The following FYB1 variants were observed in gnomAD, a reference collection of about 807,000 sequenced individuals.
The protein encoded by FYB1 is FYN-binding protein 1.
FYB1 carries 41 observed loss-of-function variants against 94.1 expected under a neutral mutation model. The observed-to-expected ratio is 0.44, with a 90% CI of 0.34 to 0.57. The LOEUF (loss-of-function observed/expected upper bound fraction) is 0.57, where lower values mean the gene tolerates loss of function less well. Ranked by LOEUF, FYB1 falls within the 20% of genes least tolerant of loss-of-function variation. The pLI is 0.02. For missense variants in FYB1, 1,050 were observed against 976.8 expected, an observed-to-expected ratio of 1.07 and a Z score of -1.00; for synonymous variants, 367 against 353.2, an observed-to-expected ratio of 1.04 and a Z score of -0.44.
intron 2 of FYB1, among the ~76,000 whole-genome samples, chr5:39,198,137 C>T (rs1200682440): frequency 9.2e-5 from 14 of 152,084 alleles, no homozygotes; most frequent in Admixed American, 8.5e-4. Flanking sequence ...GCACTTACAA[C>T]GAATCTCATG....
chr5:39,260,047 AAGAG>A (rs1411181425), intron 1 of FYB1, among the ~76,000 whole-genome samples: 1 of 152,254 alleles, frequency 6.6e-6, no homozygotes, highest in African/African-American at 2.4e-5. Context: ...AGATTCATCA[AAGAG>A]AGACACAGAG....
chr5:39,134,855 A>T lies in FYB1; in HGVS notation c.1675T>A (p.Tyr559Asn). 1 of 1,613,862 alleles carries T rather than the reference A, an allele frequency of 6.2e-7. No homozygotes were observed. The change falls in exon 8 of 19, where the codon TAT becomes AAT. Residue 559 changes from tyrosine to asparagine, a missense_variant and splice_region_variant. Physicochemically the swap from Tyr to Asn is moderately radical, Grantham distance 143. Transcript: ENST00000512982. ...AAGCCATAGAGAAATTTGCACTCAC[A>T]TGAACCCCTTGCTGTTCTGCCCAAC... Reference protein sequence around the residue: ...KWLGRTARGSYGYIKTTAVEI... With the variant: ...KWLGRTARGSNGYIKTTAVEI...
intron 1 of FYB1, among the ~76,000 whole-genome samples, chr5:39,240,360 A>T (rs1281409834): frequency 6.6e-6 from 1 of 152,242 alleles, no homozygotes; most frequent in Non-Finnish European, 1.5e-5. Context: ...GTGCAGGAAA[A>T]GAAAATCTCA....
At chr5:39,249,674 ATGTGTATGT>A (rs1751633596) in intron 1 of FYB1, among the ~76,000 whole-genome samples, 1 of 152,162 alleles carries the variant, frequency 6.6e-6, no homozygotes, top group Non-Finnish European at 1.5e-5. Context: ...AGAGAAAATG[ATGTGTATGT>A]GTTTGTAAGT....
intron 2 of FYB1, among the ~76,000 whole-genome samples, chr5:39,195,019 G>A (rs1747705308): frequency 6.6e-6 from 1 of 152,144 alleles, no homozygotes; most frequent in South Asian, 2.1e-4. Context: ...GGGCCTGGCT[G>A]TTACCCGAAG....
At chr5:39,206,937 T>G (rs943858519) in intron 1 of FYB1, among the ~76,000 whole-genome samples, 13 of 152,204 alleles carry the variant, frequency 8.5e-5, no homozygotes, top group Non-Finnish European at 1.9e-4. Flanking sequence ...GGATATATGA[T>G]CAGCAACCCT....
At chr5:39,191,200 A>G (rs1238893635) in intron 2 of FYB1, among the ~76,000 whole-genome samples, 1 of 152,220 alleles carries the variant, frequency 6.6e-6, no homozygotes, top group African/African-American at 2.4e-5. Flanking sequence ...ATCGCCACAC[A>G]GGTTGCTTTT....
chr5:39,191,987 A>G (rs576318229), intron 2 of FYB1, among the ~76,000 whole-genome samples: 1 of 152,364 alleles, frequency 6.6e-6, no homozygotes, highest in East Asian at 1.9e-4. Flanking sequence ...AATCCATCAT[A>G]TCAGAAATAG....
intron 1 of FYB1, among the ~76,000 whole-genome samples, chr5:39,264,420 C>T (rs1752345459): frequency 6.6e-6 from 1 of 152,146 alleles, no homozygotes. Context: ...CTGTTGTTTA[C>T]GAGCTACCCA....
chr5:39,162,813 T>C (rs1019751355), intron 2 of FYB1, among the ~76,000 whole-genome samples: 2 of 152,092 alleles, frequency 1.3e-5, no homozygotes, highest in African/African-American at 4.8e-5. Context: ...ATAATCCTGA[T>C]AGGTAAAACA....
chr5:39,203,354 G>C (rs965952301), intron 1 of FYB1, among the ~76,000 whole-genome samples: 6 of 152,070 alleles, frequency 3.9e-5, no homozygotes, highest in African/African-American at 1.4e-4. Flanking sequence ...ACTAAAAAAA[G>C]ATTTCTTCCA....
chr5:39,231,194 G>T (rs1750731599), intron 1 of FYB1, among the ~76,000 whole-genome samples: 1 of 146,548 alleles, frequency 6.8e-6, no homozygotes, highest in Non-Finnish European at 1.5e-5. Context: ...AACAGCTGTA[G>T]CCACCAGCTT....
At chr5:39,214,190 A>G (rs1749662703) in intron 1 of FYB1, among the ~76,000 whole-genome samples, 1 of 152,228 alleles carries the variant, frequency 6.6e-6, no homozygotes, top group Admixed American at 6.5e-5. Flanking sequence ...AAAATGAGAT[A>G]CTACTTCACA....
intron 1 of FYB1, among the ~76,000 whole-genome samples, chr5:39,255,500 C>G (rs1379824304): frequency 2.0e-5 from 3 of 150,192 alleles, no homozygotes; most frequent in Non-Finnish European, 2.9e-5. Context: ...ATTTTAACCA[C>G]CCCTAAATTC....
At chr5:39,194,463 C>T (rs1375642525) in intron 2 of FYB1, among the ~76,000 whole-genome samples, 1 of 151,892 alleles carries the variant, frequency 6.6e-6, no homozygotes, top group African/African-American at 2.4e-5. Flanking sequence ...TTCAAGGCTG[C>T]AGTGAGCTGT....
chr5:39,126,895 C>A (rs1243190679), intron 11 of FYB1, among the ~76,000 whole-genome samples: 1 of 150,830 alleles, frequency 6.6e-6, no homozygotes, highest in East Asian at 1.9e-4. Context: ...CCCGTCTCTA[C>A]TAAAAATATG....
intron 2 of FYB1, among the ~76,000 whole-genome samples, chr5:39,200,064 A>C (rs1000752642): frequency 2.0e-5 from 3 of 152,142 alleles, no homozygotes; most frequent in Admixed American, 6.5e-5. Context: ...TCAGATGTTG[A>C]GGGGGTTACA....
At position 39,120,382 on chromosome 5, in the gene FYB1, A is replaced by G. The variant is rs116160807; in HGVS notation, c.2139-748T>C. ...TAGGATCCAGGTATAGAAATCCACT[A>G]TATTTTGTAGATACCAATTATCCTA... On this transcript the variant is annotated intron_variant, in intron 14 of 18. Coordinates refer to ENST00000512982, the MANE Select transcript of FYB1 (RefSeq NM_001465.6). 3.0e-3 allele frequency among the ~76,000 whole-genome samples: 458 copies of G among 152,192 alleles called. 2 individuals carry two copies. Among genetic ancestry groups the G allele is most frequent in the African/African-American group, 0.011 (449 of 41,542 alleles).
intron 2 of FYB1, among the ~76,000 whole-genome samples, chr5:39,200,587 T>C (rs17465965): frequency 0.1 from 15,510 of 152,224 alleles, 864 homozygotes; most frequent in South Asian, 0.15. Context: ...GAGGAGGAGA[T>C]GCAATGTGAA....
Sources: gnomAD v4.1 joint callset for allele counts (sites outside exome capture counted in the v4.1 genomes callset) on GRCh38, gnomAD v4.1.1 for gene constraint, MANE v1.5 for transcripts, NCBI Gene and HGNC (gene_info 2026-07-23, HGNC 2026-07-21) for gene names.